The following TTC7B variants were observed in gnomAD, a reference collection of about 807,000 sequenced individuals.
TTC7B encodes the protein tetratricopeptide repeat domain 7B, also known as tetratricopeptide repeat protein 7B.
TTC7B carries 28 observed loss-of-function variants against 106.8 expected under a neutral mutation model. That is an observed-to-expected ratio of 0.26 (90% CI 0.19 to 0.36). The LOEUF (loss-of-function observed/expected upper bound fraction) is 0.36. TTC7B is among the 10% of genes least tolerant of loss of function. The pLI, the probability that TTC7B is intolerant of heterozygous loss-of-function variation, is 1.00. For missense variants in TTC7B, 862 were observed against 1,076.4 expected (o/e 0.80, Z 2.79); for synonymous variants, 405 against 430.6 (o/e 0.94, Z 0.74).
At position 90,536,357 on chromosome 14, in the gene TTC7B, C is replaced by T. The variant is rs1381180917; in HGVS notation, c.*5011G>A. On this transcript the variant is annotated 3_prime_UTR_variant, in exon 20 of 20. Coordinates refer to ENST00000328459, the MANE Select transcript of TTC7B (RefSeq NM_001010854.2). ...GCCCCGTCAGGCCCATGGCTCCCAGCCCCGCATCCCTGACACCTCCCACAC... is the reference window on the plus strand; with the variant it reads ...GCCCCGTCAGGCCCATGGCTCCCAGTCCCGCATCCCTGACACCTCCCACAC... 6.5e-6 allele frequency: 1 copy of T among 153,372 alleles called. No homozygotes were observed. Among genetic ancestry groups the T allele is most frequent in the African/African-American group, 2.4e-5 (1 of 41,460 alleles). The allele number at this position is 153,372 out of a possible 1,614,324, so 9.5% of individuals were successfully genotyped here. A position where few individuals can be genotyped will look rare whatever the true frequency, so the allele number is the denominator to read the frequency against.
intron 19 of TTC7B, among the ~76,000 whole-genome samples, chr14:90,555,452 A>C: frequency 6.6e-6 from 1 of 152,172 alleles, no homozygotes; most frequent in Admixed American, 6.5e-5. Flanking sequence ...GGTGACCTGA[A>C]GAATGGCTGC....
chr14:90,616,896 A>C (rs1056864955), intron 16 of TTC7B, among the ~76,000 whole-genome samples: 12 of 152,196 alleles, frequency 7.9e-5, no homozygotes, highest in Non-Finnish European at 1.5e-5. Flanking sequence ...AGCTGACCAG[A>C]CACCTTACTA....
chr14:90,678,911 G>T (rs1886941268), intron 8 of TTC7B, among the ~76,000 whole-genome samples: 1 of 152,196 alleles, frequency 6.6e-6, no homozygotes. Flanking sequence ...CATGCTTTCA[G>T]AACTTTTACA....
intron 5 of TTC7B, among the ~76,000 whole-genome samples, chr14:90,723,477 G>A (rs563138172): frequency 6.6e-6 from 1 of 152,292 alleles, no homozygotes; most frequent in South Asian, 2.1e-4. Context: ...GACAGTTTGT[G>A]ACCCTCCTCC....
At chr14:90,556,308 C>G (rs1430909847) in intron 19 of TTC7B, among the ~76,000 whole-genome samples, 3 of 152,168 alleles carry the variant, frequency 2.0e-5, no homozygotes. Context: ...CCAGCCTCCC[C>G]TCCCCCATCT....
At chr14:90,799,016 G>A (rs986880500) in intron 1 of TTC7B, among the ~76,000 whole-genome samples, 1 of 152,160 alleles carries the variant, frequency 6.6e-6, no homozygotes, top group Non-Finnish European at 1.5e-5. Context: ...CCCCAGAGGG[G>A]TTCCCGTGGC....
At chr14:90,658,714 A>G (rs891985115) in intron 9 of TTC7B, among the ~76,000 whole-genome samples, 3 of 152,224 alleles carry the variant, frequency 2.0e-5, no homozygotes, top group African/African-American at 7.2e-5. Context: ...CAGGGCGAGA[A>G]ACAGGACTGT....
rs185841287 is a variant in TTC7B, at chr14:90,662,335, A to G, written c.1153-3948T>C. On this transcript the variant is annotated intron_variant, in intron 9 of 19. Transcript: ENST00000328459. ...TTGGGGCAGGGCCCTTGTCTCCCTG[A>G]ATCTGTTCCAGTCTCTTCTTCAGCC... Among the ~76,000 whole-genome samples the G allele has an allele frequency of 2.0e-3, 299 of 152,342 alleles. 1 individual carries two copies. Among genetic ancestry groups the G allele is most frequent in the South Asian group, 0.014 (68 of 4,824 alleles).
At chr14:90,776,505 A>G (rs1891035194) in intron 3 of TTC7B, among the ~76,000 whole-genome samples, 1 of 152,210 alleles carries the variant, frequency 6.6e-6, no homozygotes, top group Non-Finnish European at 1.5e-5. Context: ...TGCTACGACA[A>G]CATCAAATAT....
intron 15 of TTC7B, among the ~76,000 whole-genome samples, chr14:90,622,724 C>T (rs1232154800): frequency 6.6e-6 from 1 of 152,042 alleles, no homozygotes; most frequent in East Asian, 1.9e-4. Context: ...AAGAGTGAGA[C>T]CCTGCCCCCA....
In TTC7B at chr14:90,560,038, C is replaced by A. The variant is rs11159971; in HGVS notation, c.2310+18068G>T. 3.9e-5 allele frequency among the ~76,000 whole-genome samples: 6 copies of A among 152,350 alleles called. No individual in the cohort carries two copies. In the South Asian group the frequency reaches 1.2e-3, roughly 32 times the overall value. On this transcript the variant is annotated intron_variant, in intron 19 of 19. Transcript: ENST00000328459. ...ACCTCCATCAGATCTGTGCCACAAGCGCCATGTGCCCCAGGAGCCCCGGGT... is the reference window on the plus strand; with the variant it reads ...ACCTCCATCAGATCTGTGCCACAAGAGCCATGTGCCCCAGGAGCCCCGGGT...
intron 15 of TTC7B, among the ~76,000 whole-genome samples, chr14:90,640,712 AC>A (rs1885134959): frequency 6.6e-6 from 1 of 152,248 alleles, no homozygotes; most frequent in South Asian, 2.1e-4. Context: ...ATGAGTTTCT[AC>A]CAATTATTAC....
At chr14:90,699,325 T>C (rs1240888623) in intron 5 of TTC7B, 1 of 419,032 alleles carries the variant, frequency 2.4e-6, no homozygotes, top group African/African-American at 2.1e-5. Flanking sequence ...ATGAGAATCA[T>C]TTCAGCTTGT....
chr14:90,635,759 CAAAA>C (rs34829977), intron 15 of TTC7B, among the ~76,000 whole-genome samples: 3 of 110,514 alleles, frequency 2.7e-5, no homozygotes, highest in East Asian at 2.6e-4. Flanking sequence ...GACTCTGTCT[CAAAA>C]AAAAAAAAAA....
intron 5 of TTC7B, among the ~76,000 whole-genome samples, chr14:90,723,514 C>T (rs904177827): frequency 6.6e-6 from 1 of 152,166 alleles, no homozygotes; most frequent in Admixed American, 6.5e-5. Context: ...ACATTGGACT[C>T]CTTTCTGATT....
intron 3 of TTC7B, among the ~76,000 whole-genome samples, chr14:90,770,079 T>C (rs970503971): frequency 6.6e-6 from 1 of 151,704 alleles, no homozygotes; most frequent in African/African-American, 2.4e-5. Context: ...AGCCCAGGAG[T>C]TCAAAGTTAC....
At chr14:90,609,355 G>T (rs999333440) in intron 17 of TTC7B, among the ~76,000 whole-genome samples, 8 of 152,224 alleles carry the variant, frequency 5.3e-5, no homozygotes, top group Admixed American at 1.3e-4. Flanking sequence ...GGAGCTGCAG[G>T]ACTTTTGGAT....
intron 3 of TTC7B, among the ~76,000 whole-genome samples, chr14:90,750,947 C>G (rs1890115658): frequency 6.6e-6 from 1 of 152,218 alleles, no homozygotes; most frequent in Non-Finnish European, 1.5e-5. Flanking sequence ...TTTCGAGTGT[C>G]CAGGATCATA....
intron 18 of TTC7B, among the ~76,000 whole-genome samples, chr14:90,579,603 G>T (rs1445512083): frequency 1.3e-5 from 2 of 152,162 alleles, no homozygotes; most frequent in Non-Finnish European, 2.9e-5. Flanking sequence ...TTCGAAACCA[G>T]CCTGGCCAAC....
Sources: allele counts gnomAD v4.1 joint callset (sites outside exome capture counted in the v4.1 genomes callset), GRCh38; gene constraint gnomAD v4.1.1; transcripts MANE v1.5; gene names NCBI Gene and HGNC (gene_info 2026-07-23, HGNC 2026-07-21).